Variants in HSPA4L observed in about 807,000 individuals in gnomAD.
HSPA4L encodes heat shock 70 kDa protein 4L.
A neutral mutation model predicts 100.3 loss-of-function variants in HSPA4L; 48 were observed. The observed-to-expected ratio is 0.48, with a 90% CI of 0.38 to 0.61. The LOEUF (loss-of-function observed/expected upper bound fraction) is 0.61. Among genes scored for constraint, HSPA4L ranks in the 20% least tolerant of loss-of-function variants. The probability of loss-of-function intolerance (pLI) is 0.00; values close to 1 mark genes in which losing one functional copy is unlikely to be tolerated. For missense variants in HSPA4L, 886 were observed against 988.6 expected (o/e 0.90, Z 1.39); for synonymous variants, 319 against 328.2 (o/e 0.97, Z 0.30).
intron 12 of HSPA4L, chr4:127,813,107 G>A (rs1474430798): frequency 2.3e-6 from 3 of 1,283,666 alleles, no homozygotes; most frequent in East Asian, 2.3e-5. Context: ...TTATAGATTC[G>A]CATATACGTG....
intron 18 of HSPA4L, among the ~76,000 whole-genome samples, 176 bp downstream of exon 18, chr4:127,830,975 T>C (rs1185502217): frequency 1.3e-5 from 2 of 152,180 alleles, no homozygotes; most frequent in African/African-American, 4.8e-5. Context: ...CTTGATTTAA[T>C]TTTTCATATA....
rs773191477 is a variant in HSPA4L, at chr4:127,811,599, C to G, written c.1541C>G (p.Thr514Arg). The change falls in exon 12 of 19, where the codon ACA (threonine) becomes AGA (arginine). Residue 514 changes from threonine (T) to arginine (R), a missense_variant. By Grantham distance (71) the Thr-to-Arg change is moderately conservative. Coordinates refer to ENST00000296464, the MANE Select transcript of HSPA4L (RefSeq NM_014278.4). Reference sequence around the variant, plus strand: ...GATCACAGTGATGCTCCAATGGAGACAGAAACTTCATTTAAAAATGAAAAC... The same window carrying G: ...GATCACAGTGATGCTCCAATGGAGAGAGAAACTTCATTTAAAAATGAAAAC... ...EGDHSDAPMETETSFKNENKD... is the reference protein window; with the variant it reads ...EGDHSDAPMERETSFKNENKD... The G allele has an allele frequency of 2.8e-5, 45 of 1,613,452 alleles. No homozygotes were observed. The highest frequency in any genetic ancestry group is 3.6e-5 in the Non-Finnish European group (43 of 1,179,834).
chr4:127,794,676 G>A (rs1232756973), intron 2 of HSPA4L, among the ~76,000 whole-genome samples: 2 of 151,944 alleles, frequency 1.3e-5, no homozygotes. Flanking sequence ...TGAACTAAAA[G>A]CCCTTAACAA....
intron 12 of HSPA4L, 97 bp from the exon 13 acceptor site, chr4:127,818,228 C>T (rs774903353): frequency 2.6e-5 from 18 of 701,930 alleles, no homozygotes; most frequent in Non-Finnish European, 3.8e-5. Flanking sequence ...CTACATTTTA[C>T]ATTTCAAAAC....
chr4:127,809,806 T>G (rs1313285026), intron 11 of HSPA4L, among the ~76,000 whole-genome samples: 1 of 152,170 alleles, frequency 6.6e-6, no homozygotes, highest in Non-Finnish European at 1.5e-5. Flanking sequence ...CACAGTAGAT[T>G]TCCAAGAATC....
In HSPA4L at chr4:127,834,070, T is replaced by A. The variant is rs534828136; in HGVS notation, c.*1196T>A. On this transcript the variant is annotated 3_prime_UTR_variant, in exon 19 of 19. Transcript: ENST00000296464. ...TTAAATGCGAAAAGGGACTGTAAAC[T>A]TAAGATGTATTTTAAGGACTTTATC... 54 of 152,314 alleles carry A rather than the reference T, an allele frequency of 3.5e-4. 1 individual carries two copies. The highest frequency in any genetic ancestry group is 7.2e-4 in the Non-Finnish European group (49 of 67,996). 9.4% of individuals were successfully genotyped at this position (152,314 alleles called of 1,614,324 possible).
chr4:127,820,451 C>T lies in HSPA4L; in HGVS notation c.1698C>T (p.Asp566=), dbSNP rs138689142. ...KTKSAVSDKQ[D]RLNQTLKKGK... Reference sequence around the variant, plus strand: ...AGTCAGCTGTCTCAGACAAACAAGACCGATTAAATCAGACACTTAAAAAAG... The same window carrying T: ...AGTCAGCTGTCTCAGACAAACAAGATCGATTAAATCAGACACTTAAAAAAG... Residue 566 remains aspartate, a synonymous_variant, in exon 14 of 19, where the codon GAC becomes GAT. Coordinates refer to ENST00000296464, the MANE Select transcript of HSPA4L (RefSeq NM_014278.4). 13 of 1,599,810 alleles carry T rather than the reference C, an allele frequency of 8.1e-6. No individual in the cohort carries two copies. Among genetic ancestry groups the T allele is most frequent in the South Asian group, 1.1e-5 (1 of 87,418 alleles).
rs2148774590 is a variant in HSPA4L at position 127,787,190 on chromosome 4, G to A, written c.107+4533G>A. On this transcript the variant is annotated intron_variant, in intron 1 of 18. Coordinates refer to ENST00000296464, the MANE Select transcript of HSPA4L (RefSeq NM_014278.4). ...CAGATGAGTGAGACCCCTCTTAAATGCATGAAAATAGAAATCACTTTGGTG... is the reference window on the plus strand; with the variant it reads ...CAGATGAGTGAGACCCCTCTTAAATACATGAAAATAGAAATCACTTTGGTG... Among the ~76,000 whole-genome samples, 2 of 152,280 alleles carry A rather than the reference G, an allele frequency of 1.3e-5. 1 individual carries two copies. Among genetic ancestry groups the A allele is most frequent in the South Asian group, 4.1e-4 (2 of 4,830 alleles).
At chr4:127,786,983 G>A (rs1413288489) in intron 1 of HSPA4L, among the ~76,000 whole-genome samples, 1 of 152,280 alleles carries the variant, frequency 6.6e-6, no homozygotes, top group Non-Finnish European at 1.5e-5. Context: ...CTTTGTAATA[G>A]GGAATATGGA....
intron 4 of HSPA4L, among the ~76,000 whole-genome samples, chr4:127,800,909 G>A (rs1733156523): frequency 6.6e-6 from 1 of 152,012 alleles, no homozygotes; most frequent in South Asian, 2.1e-4. Context: ...ATAAAACTTA[G>A]GCAACTCTGC....
Position 127,838,669 on chromosome 4 carries a change from T to C in HSPA4L, c.*5795T>C, listed in dbSNP as rs1734264148. ...TAAATAATTTAATTGCATTATAGCA[T>C]ATAAACTATAAATGAAAATGATCTT... On this transcript the variant is annotated 3_prime_UTR_variant, in exon 19 of 19. Transcript: ENST00000296464. 6.6e-6 allele frequency: 1 copy of C among 152,226 alleles called. No individual in the cohort carries two copies. The highest frequency in any genetic ancestry group is 2.4e-5 in the African/African-American group (1 of 41,466). 9.4% of individuals were successfully genotyped at this position (152,226 alleles called of 1,614,324 possible). A position where few individuals can be genotyped will look rare whatever the true frequency, so the allele number is the denominator to read the frequency against.
At chr4:127,822,120 T>C (rs1340075260) in intron 14 of HSPA4L, among the ~76,000 whole-genome samples, 2 of 152,192 alleles carry the variant, frequency 1.3e-5, no homozygotes, top group African/African-American at 4.8e-5. Flanking sequence ...CCATCACCAC[T>C]GTCTATTTTC....
chr4:127,830,691 T>C lies in HSPA4L; in HGVS notation c.2220T>C (p.Cys740=), dbSNP rs1734058373. ...DPTEMEKVEK[C]ISDAMSWLNS... ...CTGAAATGGAAAAGGTTGAAAAATG[T>C]ATCAGTGATGCCATGAGTTGGCTGA... Residue 740 remains cysteine, a synonymous_variant, in exon 18 of 19, where the codon TGT becomes TGC. Coordinates refer to ENST00000296464, the MANE Select transcript of HSPA4L (RefSeq NM_014278.4). 1 of 1,609,716 alleles carries C rather than the reference T, an allele frequency of 6.2e-7. No homozygotes were observed. Among genetic ancestry groups the C allele is most frequent in the African/African-American group, 1.3e-5 (1 of 74,568 alleles).
At position 127,832,928 on chromosome 4, in the gene HSPA4L, A is replaced by G. The variant is rs531797451; in HGVS notation, c.*54A>G. The stretch of plus-strand genomic sequence containing the variant: ...AACCGTGCAAGTAACCACGGGGTCC[A>G]TCTTTTACATCTGGTACACACAACA... On this transcript the variant is annotated 3_prime_UTR_variant, in exon 19 of 19. Transcript: ENST00000296464. 5.6e-6 allele frequency: 7 copies of G among 1,252,670 alleles called. No individual in the cohort carries two copies. The East Asian group carries it at 9.7e-5, about 17-fold the overall frequency. The allele number at this position is 1,252,670 out of a possible 1,614,324, so 77.6% of individuals were successfully genotyped here.
intron 11 of HSPA4L, among the ~76,000 whole-genome samples, chr4:127,810,801 T>A (rs1440594413): frequency 6.6e-6 from 1 of 152,008 alleles, no homozygotes; most frequent in Non-Finnish European, 1.5e-5. Flanking sequence ...CTACGCACAG[T>A]GTGGGAGCAG....
At chr4:127,816,044 G>A (rs1375720184) in intron 12 of HSPA4L, among the ~76,000 whole-genome samples, 5 of 152,050 alleles carry the variant, frequency 3.3e-5, no homozygotes, top group Non-Finnish European at 7.4e-5. Context: ...GAGAATGGGG[G>A]AATAGCAGGA....
intron 12 of HSPA4L, chr4:127,812,637 A>AT (rs779257256): frequency 7.6e-6 from 5 of 658,236 alleles, no homozygotes; most frequent in African/African-American, 1.9e-5. Context: ...TCTGCCCTAG[A>AT]TTTTTTGTTT....
chr4:127,809,558 C>T, intron 11 of HSPA4L: 2 of 717,702 alleles, frequency 2.8e-6, no homozygotes, highest in Non-Finnish European at 5.0e-6. Context: ...TGAACTGTGA[C>T]TTTCAAAATT....
intron 4 of HSPA4L, among the ~76,000 whole-genome samples, chr4:127,799,741 G>A (rs192568628): frequency 8.8e-4 from 134 of 152,260 alleles, no homozygotes; most frequent in Admixed American, 3.1e-3. Flanking sequence ...TAACTTTGTG[G>A]TTGGTGCAGT....
Sources: allele counts gnomAD v4.1 joint callset (sites outside exome capture counted in the v4.1 genomes callset), GRCh38; gene constraint gnomAD v4.1.1; transcripts MANE v1.5; gene names NCBI Gene and HGNC (gene_info 2026-07-23, HGNC 2026-07-21).